CLCN5: variants seen among roughly 807,000 people sequenced by gnomAD.
CLCN5 encodes H(+)/Cl(-) exchange transporter 5.
CLCN5 carries 17 observed loss-of-function variants against 54.0 expected under a neutral mutation model. The observed-to-expected ratio is 0.31, with a 90% CI of 0.22 to 0.47. The LOEUF (loss-of-function observed/expected upper bound fraction) is 0.47, where lower values mean the gene tolerates loss of function less well. Among genes scored for constraint, CLCN5 ranks in the 20% least tolerant of loss-of-function variants. The pLI, the probability that CLCN5 is intolerant of heterozygous loss-of-function variation, is 1.00. For synonymous variants in CLCN5, 222 were observed against 233.0 expected, an observed-to-expected ratio of 0.95 and a Z score of 0.43; for missense variants, 448 against 646.7, an observed-to-expected ratio of 0.69 and a Z score of 3.33.
intron 3 of CLCN5, among the ~76,000 whole-genome samples, chrX:49,939,851 C>T (rs1164618656): frequency 9.0e-6 from 1 of 111,510 alleles, no homozygotes; most frequent in African/African-American, 3.3e-5. Flanking sequence ...TTACATTTAT[C>T]ACTTCCTTTA....
intron 9 of CLCN5, among the ~76,000 whole-genome samples, chrX:50,084,348 C>T (rs940228633): frequency 1.4e-4 from 16 of 110,873 alleles, no homozygotes; most frequent in African/African-American, 3.9e-4. Flanking sequence ...TTACGTGGTG[C>T]GTGACAGTAT....
At chrX:50,005,678 C>T (rs1286759910) in intron 3 of CLCN5, among the ~76,000 whole-genome samples, 1 of 111,619 alleles carries the variant, frequency 9.0e-6, no homozygotes, top group Non-Finnish European at 1.9e-5. Context: ...GCTCCAGTGC[C>T]CCATCTTTAG....
In CLCN5 at chrX:50,097,013, A is replaced by T. The variant is rs1315301740; in HGVS notation, c.*4794A>T. 2 of 112,073 alleles carry T rather than the reference A, an allele frequency of 1.8e-5. No individual in the cohort carries two copies. Among genetic ancestry groups the T allele is most frequent in the Admixed American group, 9.5e-5 (1 of 10,544 alleles). The allele number at this position is 112,073 out of a possible 1,213,427, so 9.2% of individuals were successfully genotyped here. A position where few individuals can be genotyped will look rare whatever the true frequency, so the allele number is the denominator to read the frequency against. On this transcript the variant is annotated 3_prime_UTR_variant, in exon 15 of 15. Coordinates refer to ENST00000376091, the MANE Select transcript of CLCN5 (RefSeq NM_001127898.4). ...TTGAATTTTGATAGCAAATTTTTTTAAATTTATATTTCTGCCTCCTCGTAC... is the reference window on the plus strand; with the variant it reads ...TTGAATTTTGATAGCAAATTTTTTTTAATTTATATTTCTGCCTCCTCGTAC...
intron 3 of CLCN5, among the ~76,000 whole-genome samples, chrX:50,005,457 C>A (rs1452624062): frequency 9.0e-6 from 1 of 111,596 alleles, no homozygotes; most frequent in Non-Finnish European, 1.9e-5. Context: ...AGAAAAACTT[C>A]CCTTCATCTG....
intron 3 of CLCN5, among the ~76,000 whole-genome samples, chrX:50,037,163 A>G (rs1324227128): frequency 6.2e-5 from 7 of 112,169 alleles, no homozygotes; most frequent in African/African-American, 2.3e-4. Flanking sequence ...AGTAGCAATA[A>G]AAGTGTCTAT....
intron 3 of CLCN5, among the ~76,000 whole-genome samples, chrX:50,032,289 C>T (rs1353636894): frequency 3.6e-5 from 4 of 111,614 alleles, no homozygotes; most frequent in Non-Finnish European, 7.5e-5. Flanking sequence ...CCTGAGGAAT[C>T]GCCACACTGA....
At chrX:50,015,850 G>A (rs1460461753) in intron 3 of CLCN5, among the ~76,000 whole-genome samples, 3 of 111,534 alleles carry the variant, frequency 2.7e-5, no homozygotes, top group Non-Finnish European at 5.6e-5. Flanking sequence ...GAGACAGAAA[G>A]AGACACACAC....
intron 3 of CLCN5, among the ~76,000 whole-genome samples, chrX:50,030,801 A>G (rs967852105): frequency 8.9e-6 from 1 of 112,436 alleles, no homozygotes. Context: ...CTGATAACTT[A>G]TGTTGGTAGT....
chrX:49,971,976 GTAT>G (rs1928237935), intron 3 of CLCN5, among the ~76,000 whole-genome samples: 1 of 111,582 alleles, frequency 9.0e-6, no homozygotes, highest in Non-Finnish European at 1.9e-5. Flanking sequence ...TTTTAAGAAT[GTAT>G]TTGGAAATAA....
At chrX:50,005,110 G>T (rs1271751957) in intron 3 of CLCN5, among the ~76,000 whole-genome samples, 10 of 111,295 alleles carry the variant, frequency 9.0e-5, no homozygotes, top group Non-Finnish European at 1.9e-4. Flanking sequence ...TTTATTTGTT[G>T]GAAGAAAGTG....
In CLCN5 at chrX:50,087,705, C is replaced by T. The variant is rs184104975; in HGVS notation, c.1557+835C>T. 9.0e-5 allele frequency among the ~76,000 whole-genome samples: 10 copies of T among 111,686 alleles called. No individual in the cohort carries two copies. The East Asian group carries it at 2.8e-3, about 32-fold the overall frequency. On this transcript the variant is annotated intron_variant, in intron 11 of 14. Coordinates refer to ENST00000376091, the MANE Select transcript of CLCN5 (RefSeq NM_001127898.4). ...TCTCTAAGATGACGCCATCCATCCC[C>T]TCAATACAGGGAAGGGATGGAGACC...
Position 50,080,663 on chromosome X carries a change from G to C in CLCN5, c.673G>C (p.Val225Leu). 3.3e-6 allele frequency: 4 copies of C among 1,202,124 alleles called. No individual in the cohort carries two copies. Among genetic ancestry groups the C allele is most frequent in the Non-Finnish European group, 4.5e-6 (4 of 887,350 alleles). ...LWALLFAFLA[V>L]SLVKVFAPYA... ...GGCTCTCCTATTTGCCTTCCTTGCC[G>C]TATCTCTTGTCAAGGTGTTTGCGCC... Residue 225 changes from valine (V) to leucine (L), a missense_variant, in exon 8 of 15, where the codon GTA (valine) becomes CTA (leucine). This residue lies in a region of CLCN5 where 40 missense variants were observed against 27.8 expected (regional missense o/e 1.44). Coordinates refer to ENST00000376091, the MANE Select transcript of CLCN5 (RefSeq NM_001127898.4).
intron 4 of CLCN5, among the ~76,000 whole-genome samples, chrX:50,060,787 T>G (rs1290306529): frequency 2.8e-5 from 3 of 106,768 alleles, no homozygotes; most frequent in Non-Finnish European, 3.8e-5. Context: ...GCAGTGGTTC[T>G]CCCAGCACAC....
intron 3 of CLCN5, chrX:50,010,602 C>T: frequency 8.1e-6 from 1 of 124,059 alleles, no homozygotes; most frequent in Non-Finnish European, 1.8e-5. Context: ...ATGCACTAGG[C>T]AAGAACAGCA....
intron 14 of CLCN5, among the ~76,000 whole-genome samples, chrX:50,091,496 A>G (rs1466344538): frequency 8.9e-6 from 1 of 111,830 alleles, no homozygotes; most frequent in African/African-American, 3.3e-5. Flanking sequence ...AGAATTTCAC[A>G]TCTGAAATTT....
chrX:49,959,778 A>T (rs1415317828), intron 3 of CLCN5, among the ~76,000 whole-genome samples: 1 of 109,949 alleles, frequency 9.1e-6, no homozygotes, highest in African/African-American at 3.3e-5. Flanking sequence ...TGCTCCTCTG[A>T]CTCCTTGCAT....
In CLCN5 at chrX:49,954,275, G is replaced by A. The variant is rs1224572320; in HGVS notation, c.16+28961G>A. Among the ~76,000 whole-genome samples the A allele has an allele frequency of 4.5e-5, 5 of 111,523 alleles. No individual in the cohort carries two copies. In the East Asian group the frequency reaches 1.1e-3, roughly 25 times the overall value. On this transcript the variant is annotated intron_variant, in intron 3 of 14. Coordinates refer to ENST00000376091, the MANE Select transcript of CLCN5 (RefSeq NM_001127898.4). ...GTGCAACCCGCGGCCTGTGGGTCAC[G>A]TGCAGTCCAGTACAGCTTTGAATGT...
At chrX:49,940,657 A>G (rs782222331) in intron 3 of CLCN5, among the ~76,000 whole-genome samples, 14 of 112,426 alleles carry the variant, frequency 1.2e-4, no homozygotes, top group African/African-American at 4.2e-4. Flanking sequence ...AAATTTAGAA[A>G]GAATATAGCA....
chrX:49,963,387 C>T (rs981163676), intron 3 of CLCN5, among the ~76,000 whole-genome samples: 2 of 111,033 alleles, frequency 1.8e-5, no homozygotes, highest in Non-Finnish European at 3.8e-5. Flanking sequence ...AGGGTGGTAA[C>T]CATATATAAC....
Sources: allele counts gnomAD v4.1 joint callset (sites outside exome capture counted in the v4.1 genomes callset), GRCh38; gene constraint gnomAD v4.1.1; regional missense constraint gnomAD v4.1.1; transcripts MANE v1.5; gene names NCBI Gene and HGNC (gene_info 2026-07-23, HGNC 2026-07-21).